C2orf76: variants seen among roughly 807,000 people sequenced by gnomAD.
C2orf76 encodes chromosome 2 open reading frame 76.
C2orf76 carries 23 observed loss-of-function variants against 16.9 expected under a neutral mutation model. The ratio of observed to expected loss-of-function variants is 1.36; its 90% CI spans 0.98 to 1.93. The LOEUF (loss-of-function observed/expected upper bound fraction) is 1.93, where lower values mean the gene tolerates loss of function less well. Among genes scored for constraint, C2orf76 ranks in the 30% most tolerant of loss-of-function variants. The pLI is 0.00. For missense variants in C2orf76, 152 were observed against 152.6 expected (o/e 1.00, Z 0.02); for synonymous variants, 48 against 52.3 (o/e 0.92, Z 0.35).
the C2orf76 span, among the ~76,000 whole-genome samples, chr2:119,289,667 A>T: frequency 6.6e-6 from 1 of 150,966 alleles, no homozygotes; most frequent in Admixed American, 6.6e-5. Context: ...GCCTGGCGAC[A>T]GAGTGAGACT....
downstream of C2orf76, among the ~76,000 whole-genome samples, chr2:119,301,105 A>ACACACACACACACACACACAC (rs1553444732): frequency 7.4e-6 from 1 of 135,832 alleles, no homozygotes; most frequent in South Asian, 2.4e-4. Context: ...ACACACACAC[A>ACACACACACACACACACACAC]ACTAATTTCT....
intron 1 of C2orf76, among the ~76,000 whole-genome samples, chr2:119,357,055 A>AAAGG (rs1002814636): frequency 2.4e-4 from 36 of 152,140 alleles, no homozygotes; most frequent in Non-Finnish European, 3.7e-4. Context: ...TGCCTGGAAA[A>AAAGG]AAGGAAGGAA....
In C2orf76 at chr2:119,302,505, C is replaced by T. The variant is rs772144594; in HGVS notation, c.348G>A (p.Lys116=). Reference sequence around the variant, plus strand: ...ATGAAATGGGATTAGCTTTGTAGTTCTTATAATCTTCTTCACAGAAGAATG... The same window carrying T: ...ATGAAATGGGATTAGCTTTGTAGTTTTTATAATCTTCTTCACAGAAGAATG... The part of the protein sequence containing the change: ...EIAFFCEEDY[K]NYKANPISSW The change falls in exon 6 of 6, where the codon AAG becomes AAA. Residue 116 remains lysine, a synonymous_variant. Transcript: ENST00000334816. 1.3e-6 allele frequency: 2 copies of T among 1,507,056 alleles called. No individual in the cohort carries two copies. The highest frequency in any genetic ancestry group is 2.8e-5 in the African/African-American group (2 of 70,904). 93.4% of individuals were successfully genotyped at this position (1,507,056 alleles called of 1,614,324 possible).
intron 1 of C2orf76, among the ~76,000 whole-genome samples, chr2:119,364,112 GGAGAGGA>G (rs748449932): frequency 1.5e-4 from 23 of 151,918 alleles, no homozygotes; most frequent in African/African-American, 5.1e-4. Context: ...AGAGAGAGAG[GGAGAGGA>G]GAGAGGAGAG....
At chr2:119,333,045 T>C (rs1230566287) in intron 2 of C2orf76, among the ~76,000 whole-genome samples, 1 of 152,236 alleles carries the variant, frequency 6.6e-6, no homozygotes, top group African/African-American at 2.4e-5. Flanking sequence ...TATTATTTTG[T>C]GTATTAAAAT....
rs778396030 is a variant in C2orf76 at position 119,317,545 on chromosome 2, T to C, written c.185-42A>G. The C allele has an allele frequency of 7.9e-6, 12 of 1,519,672 alleles. No individual in the cohort carries two copies. In the African/African-American group the frequency reaches 1.2e-4, roughly 16 times the overall value. 94.1% of individuals were successfully genotyped at this position (1,519,672 alleles called of 1,614,324 possible). A position where few individuals can be genotyped will look rare whatever the true frequency, so the allele number is the denominator to read the frequency against. Reference sequence around the variant, plus strand: ...AGTTATCTTTTTACACAGTTTATTCTAAACTTCTTTTCAAATTATTAAAAT... The same window carrying C: ...AGTTATCTTTTTACACAGTTTATTCCAAACTTCTTTTCAAATTATTAAAAT... On this transcript the variant is annotated intron_variant, in intron 3 of 5. Coordinates refer to ENST00000334816, the MANE Select transcript of C2orf76 (RefSeq NM_001322331.2).
chr2:119,319,207 G>T (rs930831245), intron 3 of C2orf76, among the ~76,000 whole-genome samples: 1 of 152,098 alleles, frequency 6.6e-6, no homozygotes, highest in Non-Finnish European at 1.5e-5. Context: ...AAATCCTGCT[G>T]CTCTAATAGG....
the C2orf76 span, among the ~76,000 whole-genome samples, chr2:119,291,640 GTGTGGTTGGAGC>G: frequency 3.0e-4 from 45 of 152,128 alleles, no homozygotes; most frequent in East Asian, 7.9e-3. Context: ...CTGCTGGGTG[GTGTGGTTGGAGC>G]TGACAGGTGG....
In C2orf76 at chr2:119,311,662, G is replaced by T. The variant is rs1678993646; in HGVS notation, c.264C>A (p.Leu88=). 1 of 1,612,442 alleles carries T rather than the reference G, an allele frequency of 6.2e-7. No individual in the cohort carries two copies. The highest frequency in any genetic ancestry group is 2.2e-5 in the East Asian group (1 of 44,854). ...TCAGAGTGCTGTCTTCTTTCAGCAGGAGTCTTTCGTCATCTTCCAAACTCA... is the reference window on the plus strand; with the variant it reads ...TCAGAGTGCTGTCTTCTTTCAGCAGTAGTCTTTCGTCATCTTCCAAACTCA... ...LVLSLEDDER[L]LLKEDSTLKA... The change falls in exon 5 of 6, where the codon CTC becomes CTA. Residue 88 remains leucine (L), a synonymous_variant. Coordinates refer to ENST00000334816, the MANE Select transcript of C2orf76 (RefSeq NM_001322331.2).
chr2:119,330,992 CA>C (rs769862589), intron 2 of C2orf76, among the ~76,000 whole-genome samples: 4 of 152,046 alleles, frequency 2.6e-5, no homozygotes, highest in Non-Finnish European at 5.9e-5. Context: ...CTAATTTTAT[CA>C]CCTGCAATAT....
intron 1 of C2orf76, among the ~76,000 whole-genome samples, chr2:119,354,755 A>G (rs1048198488): frequency 6.6e-6 from 1 of 152,222 alleles, no homozygotes; most frequent in African/African-American, 2.4e-5. Flanking sequence ...CTTCAACCTC[A>G]GCCATTTTTT....
the C2orf76 span, among the ~76,000 whole-genome samples, chr2:119,285,150 A>C: frequency 6.6e-6 from 1 of 152,228 alleles, no homozygotes; most frequent in African/African-American, 2.4e-5. Flanking sequence ...TAACAATCTG[A>C]TAATTTATTC....
chr2:119,366,877 C>G, upstream of C2orf76: 1 of 813,942 alleles, frequency 1.2e-6, no homozygotes, highest in South Asian at 1.8e-5. Flanking sequence ...GCGGCGGGGG[C>G]TGGGCACGCC....
chr2:119,299,924 C>G (rs1042759502), downstream of C2orf76, among the ~76,000 whole-genome samples: 2 of 152,206 alleles, frequency 1.3e-5, no homozygotes, highest in Non-Finnish European at 1.5e-5. Context: ...CCACTCAACT[C>G]CAGCAAGAAT....
intron 2 of C2orf76, among the ~76,000 whole-genome samples, chr2:119,336,672 A>G (rs1373521158): frequency 6.6e-6 from 1 of 152,064 alleles, no homozygotes; most frequent in African/African-American, 2.4e-5. Flanking sequence ...AGGGAGGAGG[A>G]TCGAAAAATA....
chr2:119,346,912 T>C (rs1382906122), intron 1 of C2orf76, among the ~76,000 whole-genome samples: 1 of 152,178 alleles, frequency 6.6e-6, no homozygotes, highest in Non-Finnish European at 1.5e-5. Context: ...GTGTTGCCAA[T>C]GGGGGAAAGT....
upstream of C2orf76, chr2:119,366,923 T>A: frequency 8.3e-7 from 1 of 1,201,050 alleles, no homozygotes; most frequent in East Asian, 2.5e-5. Context: ...GGCTTTCCGG[T>A]GCTCGCCCGA....
chr2:119,310,177 T>A (rs574627517), intron 5 of C2orf76, among the ~76,000 whole-genome samples: 1 of 152,324 alleles, frequency 6.6e-6, no homozygotes, highest in Non-Finnish European at 1.5e-5. Context: ...AACACCCCCA[T>A]TAATATCAGT....
chr2:119,365,034 A>C (rs79158537), intron 1 of C2orf76, among the ~76,000 whole-genome samples: 1 of 152,188 alleles, frequency 6.6e-6, no homozygotes, highest in African/African-American at 2.4e-5. Context: ...CAGAGAGCTG[A>C]GATTGTGCCA....
Sources: allele counts gnomAD v4.1 joint callset (sites outside exome capture counted in the v4.1 genomes callset), GRCh38; gene constraint gnomAD v4.1.1; transcripts MANE v1.5; gene names NCBI Gene and HGNC (gene_info 2026-07-23, HGNC 2026-07-21).